The following MYO9A variants were observed in gnomAD, a reference collection of about 807,000 sequenced individuals.
MYO9A encodes the protein myosin IXA, also known as unconventional myosin-IXa.
A neutral mutation model predicts 293.3 loss-of-function variants in MYO9A; 103 were observed. The ratio of observed to expected loss-of-function variants is 0.35; its 90% CI spans 0.30 to 0.41. The LOEUF is 0.41. Ranked by LOEUF, MYO9A falls within the 10% of genes least tolerant of loss-of-function variation. The pLI is 1.00. For missense variants in MYO9A, 2,685 were observed against 3,033.0 expected (o/e 0.89, Z 2.69); for synonymous variants, 1,001 against 1,035.7 (o/e 0.97, Z 0.64).
chr15:72,013,013 T>C (rs116705941), intron 6 of MYO9A, among the ~76,000 whole-genome samples: 123 of 152,302 alleles, frequency 8.1e-4, no homozygotes, highest in African/African-American at 2.6e-3. Flanking sequence ...ATGATAACTG[T>C]AGAAGAAAAA....
intron 11 of MYO9A, among the ~76,000 whole-genome samples, chr15:71,984,223 T>C (rs2076351997): frequency 6.6e-6 from 1 of 152,236 alleles, no homozygotes; most frequent in African/African-American, 2.4e-5. Flanking sequence ...GCACATTTAA[T>C]GTCCTGCACA....
At chr15:71,854,692 T>G (rs2306579) in intron 34 of MYO9A, 123 bp from the exon 35 acceptor site, 3 of 681,790 alleles carry the variant, frequency 4.4e-6, no homozygotes, top group Non-Finnish European at 4.6e-6. Context: ...GTTAGAAGAG[T>G]TGGGAGAAAG....
At chr15:72,118,493 G>A (rs1429976473), upstream of MYO9A, 2 of 152,342 alleles carry the variant, frequency 1.3e-5, no homozygotes, top group East Asian at 1.9e-4. Flanking sequence ...ACTTCGGTTT[G>A]TCTCGGCAGT....
chr15:72,030,937 C>T (rs1055810566), intron 3 of MYO9A, among the ~76,000 whole-genome samples: 2 of 152,192 alleles, frequency 1.3e-5, no homozygotes, highest in African/African-American at 4.8e-5. Flanking sequence ...TGTTAGGAAC[C>T]GGGCTACGCA....
At chr15:71,956,330 A>AAATATATATATAT (rs10642655) in intron 14 of MYO9A, among the ~76,000 whole-genome samples, 1 of 75,584 alleles carries the variant, frequency 1.3e-5, no homozygotes, top group African/African-American at 6.0e-5. Context: ...AAAAAAAAAA[A>AAATATATATATAT]ATATATATAT....
intron 31 of MYO9A, 32 bp from the exon 32 acceptor site, chr15:71,875,870 G>C: frequency 8.1e-7 from 1 of 1,233,296 alleles, no homozygotes; most frequent in Non-Finnish European, 1.1e-6. Flanking sequence ...TATGGAAATT[G>C]TGATAACAAA....
At position 71,826,720 on chromosome 15, in the gene MYO9A, T is replaced by G. The variant is rs2054517944; in HGVS notation, c.7507A>C (p.Lys2503Gln). The G allele has an allele frequency of 6.2e-7, 1 of 1,614,150 alleles. No homozygotes were observed. Among genetic ancestry groups the G allele is most frequent in the African/African-American group, 1.3e-5 (1 of 75,040 alleles). ...FNPEKGKQKLKNVKNSPQKTK... is the reference protein window; with the variant it reads ...FNPEKGKQKLQNVKNSPQKTK... ...TTCTGAGGTGAGTTTTTCACATTCT[T>G]TAATTTTTGTTTGCCCTTTTCCGGG... Residue 2503 changes from lysine to glutamine, a missense_variant, in exon 42 of 42, where the codon AAG becomes CAG. Coordinates refer to ENST00000356056, the MANE Select transcript of MYO9A (RefSeq NM_006901.4).
At chr15:71,959,811 C>G (rs2059283841) in intron 14 of MYO9A, 90 bp downstream of exon 14, 1 of 1,180,178 alleles carries the variant, frequency 8.5e-7, no homozygotes, top group Admixed American at 2.7e-5. Flanking sequence ...AATCTCATAG[C>G]AAGAATTCTA....
intron 39 of MYO9A, among the ~76,000 whole-genome samples, chr15:71,834,209 CA>C (rs1203948137): frequency 1.3e-5 from 2 of 151,888 alleles, no homozygotes; most frequent in African/African-American, 4.8e-5. Flanking sequence ...AACTTCATGT[CA>C]ATAAATATAA....
intron 11 of MYO9A, among the ~76,000 whole-genome samples, chr15:71,983,153 A>C (rs1319938235): frequency 6.6e-6 from 1 of 152,164 alleles, no homozygotes; most frequent in Non-Finnish European, 1.5e-5. Flanking sequence ...TTGTGAGATT[A>C]AATCAAACAC....
chr15:71,993,323 T>G (rs540673408), intron 10 of MYO9A, among the ~76,000 whole-genome samples: 1 of 150,928 alleles, frequency 6.6e-6, no homozygotes, highest in Non-Finnish European at 1.5e-5. Context: ...GTACTCCAGC[T>G]TGGGCAAAAA....
chr15:71,882,570 A>C lies in MYO9A; in HGVS notation c.5398+1024T>G, dbSNP rs1235379741. 5.3e-5 allele frequency among the ~76,000 whole-genome samples: 8 copies of C among 152,250 alleles called. No homozygotes were observed. The East Asian group carries it at 1.5e-3, about 29-fold the overall frequency. ...AGGATAGGTTGAGCCCAGAAGTTAG[A>C]GGTTACAGTGAGCTATGATCACACC... is the stretch of plus-strand genomic sequence containing the variant. On this transcript the variant is annotated intron_variant, in intron 28 of 41. Coordinates refer to ENST00000356056, the MANE Select transcript of MYO9A (RefSeq NM_006901.4).
intron 6 of MYO9A, among the ~76,000 whole-genome samples, chr15:72,015,823 G>A (rs907107104): frequency 4.6e-5 from 7 of 151,796 alleles, no homozygotes; most frequent in Non-Finnish European, 1.0e-4. Context: ...GAGTAGCTGG[G>A]ACTACAGGCG....
intron 12 of MYO9A, among the ~76,000 whole-genome samples, chr15:71,969,614 T>C (rs1431322824): frequency 1.3e-5 from 2 of 152,210 alleles, no homozygotes; most frequent in Non-Finnish European, 2.9e-5. Context: ...TCGTCGTCTC[T>C]AGGTCAGGGT....
At chr15:71,836,934 G>C (rs2054968934) in intron 39 of MYO9A, among the ~76,000 whole-genome samples, 1 of 151,994 alleles carries the variant, frequency 6.6e-6, no homozygotes, top group Non-Finnish European at 1.5e-5. Context: ...AGCTGGGGTG[G>C]TATGTGGATG....
Position 71,966,265 on chromosome 15 carries a change from A to AGTGTGTGTGTGTGTGTGTGTGTGT in MYO9A, c.1986+1695_1986+1718dup, listed in dbSNP as rs377708464. 1.9e-3 allele frequency among the ~76,000 whole-genome samples: 260 copies of AGTGTGTGTGTGTGTGTGTGTGTGT among 134,936 alleles called. 8 individuals carry two copies. Among genetic ancestry groups the AGTGTGTGTGTGTGTGTGTGTGTGT allele is most frequent in the African/African-American group, 5.9e-3 (205 of 34,860 alleles). 88.5% of individuals were successfully genotyped at this position (134,936 alleles called of 152,430 possible). On this transcript the variant is annotated intron_variant, in intron 13 of 41. Transcript: ENST00000356056. ...ATAACGCAGATGAATATCCCAGGCAAGTGTGTGTGTGTGTGTGTGTGTGTG... is the reference window on the plus strand; with the variant it reads ...ATAACGCAGATGAATATCCCAGGCAAGTGTGTGTGTGTGTGTGTGTGTGTGTGTGTGTGTGTGTGTGTGTGTGTG...
intron 4 of MYO9A, among the ~76,000 whole-genome samples, chr15:72,026,022 G>A (rs961363539): frequency 6.6e-6 from 1 of 152,024 alleles, no homozygotes; most frequent in African/African-American, 2.4e-5. Context: ...GCTCACGCCT[G>A]TAACATTTTG....
intron 19 of MYO9A, among the ~76,000 whole-genome samples, chr15:71,910,992 TAC>T (rs896220281): frequency 2.5e-4 from 38 of 152,282 alleles, no homozygotes; most frequent in African/African-American, 8.4e-4. Context: ...TTAGTAAATT[TAC>T]ACAGTTATGC....
At chr15:72,037,993 G>A (rs1474206766) in intron 2 of MYO9A, among the ~76,000 whole-genome samples, 2 of 151,502 alleles carry the variant, frequency 1.3e-5, no homozygotes, top group East Asian at 1.9e-4. Flanking sequence ...CAGCTCAGTG[G>A]AGCCTCAACT....
Sources: allele counts gnomAD v4.1 joint callset (sites outside exome capture counted in the v4.1 genomes callset), GRCh38; gene constraint gnomAD v4.1.1; transcripts MANE v1.5; gene names NCBI Gene and HGNC (gene_info 2026-07-23, HGNC 2026-07-21).